Variants in RGS6 observed in about 807,000 individuals in gnomAD.
RGS6 encodes regulator of G protein signaling 6.
In RGS6, 30 loss-of-function variants were observed where a neutral mutation model predicts 78.5. That is an observed-to-expected ratio of 0.38 (90% CI 0.29 to 0.52). RGS6 has a LOEUF of 0.52. Ranked by LOEUF, RGS6 falls within the 20% of genes least tolerant of loss-of-function variation. RGS6 has a pLI of 0.85. For missense variants in RGS6, 495 were observed against 609.7 expected, an observed-to-expected ratio of 0.81 and a Z score of 1.98; for synonymous variants, 206 against 206.0, an observed-to-expected ratio of 1.00 and a Z score of 0.00.
chr14:72,219,392 A>G (rs750022302), intron 2 of RGS6, among the ~76,000 whole-genome samples: 77 of 152,294 alleles, frequency 5.1e-4, no homozygotes, highest in Non-Finnish European at 6.3e-4. Context: ...CATGTTGATT[A>G]TTCTTCGTCT....
At chr14:72,457,030 G>A (rs976112623) in intron 4 of RGS6, among the ~76,000 whole-genome samples, 1 of 147,298 alleles carries the variant, frequency 6.8e-6, no homozygotes, top group Admixed American at 6.9e-5. Context: ...TCTGCAATGA[G>A]CTGTGATCAT....
At chr14:72,410,297 T>C (rs2093311073) in intron 3 of RGS6, among the ~76,000 whole-genome samples, 1 of 152,250 alleles carries the variant, frequency 6.6e-6, no homozygotes, top group African/African-American at 2.4e-5. Flanking sequence ...GTGGTTTTGA[T>C]TTGCATTTCT....
intron 2 of RGS6, among the ~76,000 whole-genome samples, chr14:72,147,741 C>T (rs2096624683): frequency 6.6e-6 from 1 of 152,162 alleles, no homozygotes; most frequent in Non-Finnish European, 1.5e-5. Flanking sequence ...GGTAAGGGCA[C>T]TGGCACCCAG....
upstream of RGS6, among the ~76,000 whole-genome samples, chr14:71,928,712 C>T (rs2087756122): frequency 6.6e-6 from 1 of 152,170 alleles, no homozygotes. Flanking sequence ...AGGGTTTTAC[C>T]TATAAATATT....
At chr14:72,221,289 A>G (rs2046806856) in intron 2 of RGS6, among the ~76,000 whole-genome samples, 4 of 152,204 alleles carry the variant, frequency 2.6e-5, no homozygotes. Context: ...TTTTCTTCCT[A>G]ACTAAAAGGG....
intron 2 of RGS6, among the ~76,000 whole-genome samples, chr14:72,203,088 G>C (rs1286816799): frequency 6.6e-6 from 1 of 152,132 alleles, no homozygotes; most frequent in Middle Eastern, 3.4e-3. Flanking sequence ...TGTTAGCCAG[G>C]ATGGTCTCGA....
chr14:72,517,927 G>A (rs143615406), intron 14 of RGS6, among the ~76,000 whole-genome samples: 125 of 152,244 alleles, frequency 8.2e-4, no homozygotes, highest in Middle Eastern at 3.4e-3. Flanking sequence ...GGCAATGTTT[G>A]GAAACATTTT....
the RGS6 span, among the ~76,000 whole-genome samples, chr14:72,591,156 T>C: frequency 6.6e-6 from 1 of 152,194 alleles, no homozygotes; most frequent in East Asian, 1.9e-4. Flanking sequence ...CATCCTTTTT[T>C]CCAAATTTCC....
intron 2 of RGS6, among the ~76,000 whole-genome samples, chr14:72,113,606 G>A (rs2095821412): frequency 6.6e-6 from 1 of 152,230 alleles, no homozygotes; most frequent in African/African-American, 2.4e-5. Flanking sequence ...CCAAAAGTTA[G>A]TTAATTATTA....
chr14:72,226,866 T>C (rs1348252063), intron 2 of RGS6, among the ~76,000 whole-genome samples: 4 of 152,234 alleles, frequency 2.6e-5, no homozygotes, highest in Non-Finnish European at 5.9e-5. Context: ...TTTGTATTTT[T>C]AGTAGAGATG....
chr14:72,279,289 A>T (rs1319267126), intron 2 of RGS6, among the ~76,000 whole-genome samples: 1 of 152,090 alleles, frequency 6.6e-6, no homozygotes, highest in African/African-American at 2.4e-5. Context: ...GGCATCTCTC[A>T]TCATGGAGCT....
chr14:71,918,838 G>A, the RGS6 span, among the ~76,000 whole-genome samples: 15 of 151,974 alleles, frequency 9.9e-5, no homozygotes, highest in East Asian at 1.7e-3. Flanking sequence ...TATTTTTTAC[G>A]GATAATATTA....
intron 3 of RGS6, among the ~76,000 whole-genome samples, chr14:72,367,055 A>G (rs1331438618): frequency 6.6e-6 from 1 of 152,214 alleles, no homozygotes; most frequent in Non-Finnish European, 1.5e-5. Flanking sequence ...AGTACCAGAG[A>G]CATGATGTAA....
intron 15 of RGS6, among the ~76,000 whole-genome samples, chr14:72,522,553 C>G (rs1416677631): frequency 6.6e-6 from 1 of 152,204 alleles, no homozygotes; most frequent in African/African-American, 2.4e-5. Context: ...CTATTCGATT[C>G]TGCATACAAA....
intron 13 of RGS6, among the ~76,000 whole-genome samples, chr14:72,496,532 G>C (rs1049755567): frequency 6.6e-6 from 1 of 152,204 alleles, no homozygotes. Flanking sequence ...AAGAAAATGC[G>C]TAGTGCCCAA....
chr14:72,287,034 T>C (rs1365645136), intron 2 of RGS6, among the ~76,000 whole-genome samples: 1 of 152,224 alleles, frequency 6.6e-6, no homozygotes, highest in African/African-American at 2.4e-5. Context: ...TCCACCCACC[T>C]TGGCCTCCCA....
chr14:72,325,707 T>G (rs1414756738), intron 2 of RGS6, among the ~76,000 whole-genome samples: 2 of 151,980 alleles, frequency 1.3e-5, no homozygotes, highest in African/African-American at 4.8e-5. Context: ...AACAACCCAG[T>G]GGAAATAGAT....
the RGS6 span, among the ~76,000 whole-genome samples, chr14:71,902,100 T>G: frequency 6.6e-6 from 1 of 152,134 alleles, no homozygotes; most frequent in African/African-American, 2.4e-5. Flanking sequence ...AAGAACCTGG[T>G]TTTTGATGAC....
At chr14:72,340,890 GTT>G (rs2076865518) in intron 2 of RGS6, among the ~76,000 whole-genome samples, 1 of 152,174 alleles carries the variant, frequency 6.6e-6, no homozygotes, top group Non-Finnish European at 1.5e-5. Context: ...CCTCCAGAAA[GTT>G]ATGTTCCAGA....
Sources: gnomAD v4.1 joint callset for allele counts (sites outside exome capture counted in the v4.1 genomes callset) on GRCh38, gnomAD v4.1.1 for gene constraint, MANE v1.5 for transcripts, NCBI Gene and HGNC (gene_info 2026-07-23, HGNC 2026-07-21) for gene names.